Variants in RNF144B observed in about 807,000 individuals in gnomAD.
RNF144B encodes E3 ubiquitin-protein ligase RNF144B.
RNF144B carries 25 observed loss-of-function variants against 40.2 expected under a neutral mutation model. The ratio of observed to expected loss-of-function variants is 0.62; its 90% confidence interval spans 0.45 to 0.87. The LOEUF is 0.87. RNF144B is among the 40% of genes least tolerant of loss of function. The pLI, the probability that RNF144B is intolerant of heterozygous loss-of-function variation, is 0.00. For synonymous variants in RNF144B, 145 were observed against 136.3 expected, an observed-to-expected ratio of 1.06 and a Z score of -0.44; for missense variants, 365 against 373.7, an observed-to-expected ratio of 0.98 and a Z score of 0.19.
chr6:18,434,320 G>C lies in RNF144B; in HGVS notation c.271-5364G>C, dbSNP rs1206720119. Among the ~76,000 whole-genome samples the C allele has an allele frequency of 6.6e-6, 1 of 152,118 alleles. No individual in the cohort carries two copies. The highest frequency in any genetic ancestry group is 1.5e-5 in the Non-Finnish European group (1 of 68,020). ...TTTGGCATAAATACTTTTGTGGTGA[G>C]CAGGCTTCACTTTCTGCCTCCCTTT... is the stretch of plus-strand genomic sequence containing the variant. On this transcript the variant is annotated intron_variant, in intron 3 of 7. Transcript: ENST00000259939. This position sits in a 1 kb window ranked among gnomAD's most constrained non-coding sequence, Gnocchi z 4.1.
chr6:18,408,313 T>C (rs1490464741), intron 2 of RNF144B, among the ~76,000 whole-genome samples: 2 of 152,192 alleles, frequency 1.3e-5, no homozygotes, highest in Admixed American at 6.5e-5. Context: ...ATGATTTCTT[T>C]TTCTTCATCA....
intron 4 of RNF144B, among the ~76,000 whole-genome samples, chr6:18,440,689 G>C (rs377137321): frequency 7.3e-5 from 10 of 137,242 alleles, no homozygotes; most frequent in Non-Finnish European, 1.3e-4. Context: ...AGCATGAAGA[G>C]GGGTAGAGTA....
chr6:18,387,436 T>TCCCGA lies in RNF144B; in HGVS notation c.-226_-222dup. ...GGAGGCGGTCGGGGACTCCGCCTCCTCCCGACCCGTAGGTCTGGGAGCGCA... is the reference window on the plus strand; with the variant it reads ...GGAGGCGGTCGGGGACTCCGCCTCCTCCCGACCCGACCCGTAGGTCTGGGAGCGCA... On this transcript the variant is annotated 5_prime_UTR_variant, in exon 1 of 8. Transcript: ENST00000259939. 1 of 1,207,988 alleles carries TCCCGA rather than the reference T, an allele frequency of 8.3e-7. No homozygotes were observed. The highest frequency in any genetic ancestry group is 1.1e-6 in the Non-Finnish European group (1 of 944,230). The allele number at this position is 1,207,988 out of a possible 1,614,324, so 74.8% of individuals were successfully genotyped here.
Position 18,425,853 on chromosome 6 carries a change from T to C in RNF144B, c.166-1728T>C, listed in dbSNP as rs1410848005. On this transcript the variant is annotated intron_variant, in intron 2 of 7. Coordinates refer to ENST00000259939, the MANE Select transcript of RNF144B (RefSeq NM_182757.4). The surrounding 1 kb of genome is among the most constrained non-coding windows in gnomAD (Gnocchi z 4.2). ...GTTCTATTTTGGGTATTTAGGTTAT[T>C]TTCTAGTTTTTGCTGTGATGAATAT... is the stretch of plus-strand genomic sequence containing the variant. 6.6e-6 allele frequency among the ~76,000 whole-genome samples: 1 copy of C among 152,228 alleles called. No homozygotes were observed. Among genetic ancestry groups the C allele is most frequent in the Admixed American group, 6.5e-5 (1 of 15,276 alleles).
At position 18,446,979 on chromosome 6, in the gene RNF144B, C is replaced by G. The variant is rs890433988; in HGVS notation, c.331+7235C>G. On this transcript the variant is annotated intron_variant, in intron 4 of 7. Transcript: ENST00000259939. This position sits in a 1 kb window ranked among gnomAD's most constrained non-coding sequence, Gnocchi z 4.7. ...TCAATAGTGCTGCTGTTGAGAAATC[C>G]TTTCCCAGCTGATGGGGAATACAGT... 1.3e-5 allele frequency among the ~76,000 whole-genome samples: 2 copies of G among 151,912 alleles called. No homozygotes were observed. Among genetic ancestry groups the G allele is most frequent in the Non-Finnish European group, 1.5e-5 (1 of 68,000 alleles).
At chr6:18,392,172 C>T (rs1420320783) in intron 1 of RNF144B, among the ~76,000 whole-genome samples, 1 of 151,880 alleles carries the variant, frequency 6.6e-6, no homozygotes, top group Non-Finnish European at 1.5e-5. Flanking sequence ...AGCACCACTG[C>T]ACTGCAGCCT....
intron 2 of RNF144B, among the ~76,000 whole-genome samples, chr6:18,426,613 T>C (rs1437672090): frequency 6.6e-6 from 1 of 152,134 alleles, no homozygotes; most frequent in African/African-American, 2.4e-5. Context: ...CTCTTCTCTC[T>C]GGGTTTCTTT....
rs572463336 is a variant in RNF144B, at chr6:18,464,952, G to A, written c.797G>A (p.Gly266Asp). The change falls in exon 8 of 8, where the codon GGC becomes GAC. Residue 266 changes from glycine to aspartate, a missense_variant. Coordinates refer to ENST00000259939, the MANE Select transcript of RNF144B (RefSeq NM_182757.4). The surrounding 1 kb of genome is among the most constrained non-coding windows in gnomAD (Gnocchi z 6.1). Reference sequence around the variant, plus strand: ...GTGGTGGGGATTCTCGTAGGCTTGGGCATCATTGCCTTGGTTACTTCACCC... The same window carrying A: ...GTGGTGGGGATTCTCGTAGGCTTGGACATCATTGCCTTGGTTACTTCACCC... ...TQVVGILVGL[G>D]IIALVTSPLL... 4.3e-6 allele frequency: 7 copies of A among 1,613,926 alleles called. No individual in the cohort carries two copies. Among genetic ancestry groups the A allele is most frequent in the South Asian group, 1.1e-5 (1 of 91,064 alleles).
chr6:18,460,365 A>G lies in RNF144B; in HGVS notation c.681+614A>G, dbSNP rs12194455. Among the ~76,000 whole-genome samples the G allele has an allele frequency of 0.3, 44,852 of 151,976 alleles. 7,702 individuals carry two copies. The highest frequency in any genetic ancestry group is 0.51 in the East Asian group (2,602 of 5,150). On this transcript the variant is annotated intron_variant, in intron 6 of 7. Transcript: ENST00000259939. This position sits in a 1 kb window ranked among gnomAD's most constrained non-coding sequence, Gnocchi z 4.4. Reference sequence around the variant, plus strand: ...CTGCCTGAAGGACCAATGTGATGAGATTGGGCCCATCAGGATAATGTAGGA... The same window carrying G: ...CTGCCTGAAGGACCAATGTGATGAGGTTGGGCCCATCAGGATAATGTAGGA...
intron 4 of RNF144B, among the ~76,000 whole-genome samples, chr6:18,454,901 T>C (rs1759293647): frequency 6.6e-6 from 1 of 152,240 alleles, no homozygotes; most frequent in Non-Finnish European, 1.5e-5. Flanking sequence ...CTAGGGATGC[T>C]ATAAATTTTA....
rs918112945 is a variant in RNF144B, at chr6:18,443,457, C to T, written c.331+3713C>T. 1.3e-5 allele frequency among the ~76,000 whole-genome samples: 2 copies of T among 151,688 alleles called. No individual in the cohort carries two copies. The highest frequency in any genetic ancestry group is 1.9e-4 in the East Asian group (1 of 5,176). On this transcript the variant is annotated intron_variant, in intron 4 of 7. Transcript: ENST00000259939. The surrounding 1 kb of genome is among the most constrained non-coding windows in gnomAD (Gnocchi z 4.7). Reference sequence around the variant, plus strand: ...TCATATTTTAGTAGAGATGGGGTTTCGACATGTTGGTCAGGCTGGTCTCGA... The same window carrying T: ...TCATATTTTAGTAGAGATGGGGTTTTGACATGTTGGTCAGGCTGGTCTCGA...
At position 18,468,863 on chromosome 6, in the gene RNF144B, G is replaced by A. The variant is rs1248148106; in HGVS notation, c.*3796G>A. 2 of 152,190 alleles carry A rather than the reference G, an allele frequency of 1.3e-5. No individual in the cohort carries two copies. Among genetic ancestry groups the A allele is most frequent in the Non-Finnish European group, 2.9e-5 (2 of 68,038 alleles). 9.4% of individuals were successfully genotyped at this position (152,190 alleles called of 1,614,324 possible). ...GGCTCTCTAGCCACAATAAATGTAA[G>A]CAGGAAATCAAGTGTGTTAACCTTT... On this transcript the variant is annotated 3_prime_UTR_variant, in exon 8 of 8. Coordinates refer to ENST00000259939, the MANE Select transcript of RNF144B (RefSeq NM_182757.4).
At chr6:18,453,862 A>G (rs755422728) in intron 4 of RNF144B, among the ~76,000 whole-genome samples, 2 of 152,216 alleles carry the variant, frequency 1.3e-5, no homozygotes, top group Non-Finnish European at 2.9e-5. Context: ...ATTACCAGAA[A>G]TAGCCACATC....
In RNF144B at chr6:18,405,436, A is replaced by G. The variant is rs1382475633; in HGVS notation, c.165+5737A>G. Reference sequence around the variant, plus strand: ...GTGATCCACCTGCCTCGGCCTCCCAAAGTGCTGGGATTATAGGCGTGAGCC... The same window carrying G: ...GTGATCCACCTGCCTCGGCCTCCCAGAGTGCTGGGATTATAGGCGTGAGCC... On this transcript the variant is annotated intron_variant, in intron 2 of 7. Coordinates refer to ENST00000259939, the MANE Select transcript of RNF144B (RefSeq NM_182757.4). This position sits in a 1 kb window ranked among gnomAD's most constrained non-coding sequence, Gnocchi z 4.5. 6.6e-6 allele frequency among the ~76,000 whole-genome samples: 1 copy of G among 152,056 alleles called. No homozygotes were observed. The highest frequency in any genetic ancestry group is 1.5e-5 in the Non-Finnish European group (1 of 68,016).
intron 2 of RNF144B, among the ~76,000 whole-genome samples, chr6:18,421,572 G>A (rs528509819): frequency 6.6e-6 from 1 of 151,946 alleles, no homozygotes; most frequent in Non-Finnish European, 1.5e-5. Context: ...GCACCCCTAC[G>A]TGGCAAAGCA....
At chr6:18,461,063 C>T (rs1453623523) in intron 6 of RNF144B, among the ~76,000 whole-genome samples, 5 of 152,142 alleles carry the variant, frequency 3.3e-5, no homozygotes, top group Admixed American at 6.5e-5. Flanking sequence ...AGTGAGTGTG[C>T]AGTTAGCATG....
At chr6:18,399,800 C>A in intron 2 of RNF144B, 101 bp downstream of exon 2, 1 of 867,410 alleles carries the variant, frequency 1.2e-6, no homozygotes, top group Non-Finnish European at 1.8e-6. Flanking sequence ...GAGTGTGCTA[C>A]AATATGATCC....
chr6:18,448,049 G>A lies in RNF144B; in HGVS notation c.331+8305G>A, dbSNP rs986053427. 3.9e-5 allele frequency among the ~76,000 whole-genome samples: 6 copies of A among 152,180 alleles called. No individual in the cohort carries two copies. Among genetic ancestry groups the A allele is most frequent in the African/African-American group, 1.4e-4 (6 of 41,448 alleles). ...TGATCTTGACAAGTGGGTTTTAGTG[G>A]AATGACAGAGAAGTGCCAGCTTGGA... On this transcript the variant is annotated intron_variant, in intron 4 of 7. Coordinates refer to ENST00000259939, the MANE Select transcript of RNF144B (RefSeq NM_182757.4). The surrounding 1 kb of genome is among the most constrained non-coding windows in gnomAD (Gnocchi z 4.0).
At chr6:18,409,196 G>A (rs1050968583) in intron 2 of RNF144B, among the ~76,000 whole-genome samples, 8 of 151,668 alleles carry the variant, frequency 5.3e-5, no homozygotes, top group African/African-American at 1.9e-4. Flanking sequence ...TAGCCACCAT[G>A]GTGAGACCCT....
Sources: allele counts gnomAD v4.1 joint callset (sites outside exome capture counted in the v4.1 genomes callset), GRCh38; gene constraint gnomAD v4.1.1; non-coding constraint Gnocchi (gnomAD v3.1); transcripts MANE v1.5; gene names NCBI Gene and HGNC (gene_info 2026-07-23, HGNC 2026-07-21).